Variants in OSBPL10 observed in about 807,000 individuals in gnomAD.
OSBPL10 encodes the protein oxysterol-binding protein-related protein 10.
A neutral mutation model predicts 81.7 loss-of-function variants in OSBPL10; 49 were observed. That is an observed-to-expected ratio of 0.60 (90% CI 0.48 to 0.76). The LOEUF is 0.76. OSBPL10 is among the 30% of genes least tolerant of loss of function. The pLI is 0.00. For synonymous variants in OSBPL10, 419 were observed against 383.6 expected (o/e 1.09, Z -1.08); for missense variants, 923 against 987.8 (o/e 0.93, Z 0.88).
At chr3:31,709,369 C>T (rs1013073346) in intron 6 of OSBPL10, 1 of 152,078 alleles carries the variant, frequency 6.6e-6, no homozygotes, top group Non-Finnish European at 1.5e-5. Flanking sequence ...TAAAACACAC[C>T]CTGGAAGGCA....
At chr3:31,924,791 G>A (rs553386638) in intron 1 of OSBPL10, among the ~76,000 whole-genome samples, 1 of 152,204 alleles carries the variant, frequency 6.6e-6, no homozygotes, top group African/African-American at 2.4e-5. Flanking sequence ...ACAATACATA[G>A]ATGAATAACT....
At chr3:31,885,852 T>C (rs1575599302) in intron 1 of OSBPL10, among the ~76,000 whole-genome samples, 1 of 146,532 alleles carries the variant, frequency 6.8e-6, no homozygotes, top group African/African-American at 2.5e-5. Flanking sequence ...AAAATTAGCC[T>C]GGCATGGTGG....
chr3:31,867,953 A>C (rs1221557646), intron 3 of OSBPL10, among the ~76,000 whole-genome samples: 1 of 152,180 alleles, frequency 6.6e-6, no homozygotes, highest in Non-Finnish European at 1.5e-5. Context: ...CCAAACATAG[A>C]ATAGGTCTAT....
intron 1 of OSBPL10, among the ~76,000 whole-genome samples, chr3:31,947,256 T>C (rs1248490514): frequency 6.6e-6 from 1 of 152,042 alleles, no homozygotes; most frequent in African/African-American, 2.4e-5. Context: ...TCTGCAGAAG[T>C]GTAGCAGCTC....
At chr3:32,007,371 T>G (rs1051757650) in intron 2 of OSBPL10, among the ~76,000 whole-genome samples, 7 of 152,196 alleles carry the variant, frequency 4.6e-5, no homozygotes, top group Non-Finnish European at 1.0e-4. Context: ...TAAGCAAACT[T>G]ATTTTGCTGA....
chr3:32,024,764 G>A lies in OSBPL10; in HGVS notation n.298+21727C>T, dbSNP rs190055583. ...GCTGGGATTACAGGCATGAGCTACC[G>A]TGCCCGGCCGGAATTATTTTCTTAA... On this transcript the variant is annotated intron_variant and non_coding_transcript_variant, in intron 2 of 3. Transcript: ENST00000479173. 2.3e-3 allele frequency among the ~76,000 whole-genome samples: 344 copies of A among 152,100 alleles called. 5 individuals carry two copies. The highest frequency in any genetic ancestry group is 7.5e-3 in the African/African-American group (312 of 41,490).
At chr3:31,750,075 A>G (rs1178394134) in intron 4 of OSBPL10, among the ~76,000 whole-genome samples, 1 of 151,972 alleles carries the variant, frequency 6.6e-6, no homozygotes, top group East Asian at 1.9e-4. Context: ...CCAGCTACTC[A>G]AGAGGCTGAG....
intron 5 of OSBPL10, among the ~76,000 whole-genome samples, chr3:31,737,373 T>C (rs1697211163): frequency 6.6e-6 from 1 of 152,084 alleles, no homozygotes; most frequent in African/African-American, 2.4e-5. Context: ...AGAGGAAGAA[T>C]ACATGTAAAA....
intron 6 of OSBPL10, among the ~76,000 whole-genome samples, chr3:31,720,708 G>T (rs1191594995): frequency 6.6e-6 from 1 of 151,754 alleles, no homozygotes; most frequent in African/African-American, 2.4e-5. Flanking sequence ...AGACCAGCCT[G>T]GGCAACATGG....
intron 2 of OSBPL10, chr3:31,988,823 T>C (rs149033991): frequency 8.8e-4 from 469 of 531,596 alleles, no homozygotes; most frequent in African/African-American, 7.8e-3. Context: ...AAGTAGGTTG[T>C]CACCAGTCAA....
At chr3:31,878,758 C>CT (rs1348123662) in intron 2 of OSBPL10, among the ~76,000 whole-genome samples, 1 of 151,816 alleles carries the variant, frequency 6.6e-6, no homozygotes, top group Non-Finnish European at 1.5e-5. Flanking sequence ...CCTCTCAATA[C>CT]TTAATACATA....
chr3:31,842,318 T>G (rs1208699422), intron 3 of OSBPL10, among the ~76,000 whole-genome samples: 1 of 152,178 alleles, frequency 6.6e-6, no homozygotes, highest in Non-Finnish European at 1.5e-5. Context: ...CCCTGGAGTA[T>G]CCCTAATGTG....
rs1281786023 is a variant in OSBPL10 at position 31,981,036 on chromosome 3, C to A, written c.144G>T (p.Gly48=). The A allele has an allele frequency of 1.4e-6, 2 of 1,473,844 alleles. No homozygotes were observed. Among genetic ancestry groups the A allele is most frequent in the Admixed American group, 2.6e-5 (1 of 39,150 alleles). 91.3% of individuals were successfully genotyped at this position (1,473,844 alleles called of 1,614,324 possible). The change falls in exon 1 of 12, where the codon GGG becomes GGT. Residue 48 remains glycine, a synonymous_variant. Coordinates refer to ENST00000396556, the MANE Select transcript of OSBPL10 (RefSeq NM_017784.5). The surrounding 1 kb of genome is among the most constrained non-coding windows in gnomAD (Gnocchi z 4.5). Reference sequence around the variant, plus strand: ...TGCTGCGGCTTCCCCCGCCGCCGAGCCCGGCCGCCGCCGACCGGCTGGAGA... The same window carrying A: ...TGCTGCGGCTTCCCCCGCCGCCGAGACCGGCCGCCGCCGACCGGCTGGAGA... The part of the protein sequence containing the change: ...RGVSSRSAAA[G]LGGGGSRSSP...
At chr3:31,841,741 T>G (rs1280380633) in intron 3 of OSBPL10, among the ~76,000 whole-genome samples, 3 of 152,242 alleles carry the variant, frequency 2.0e-5, no homozygotes, top group Non-Finnish European at 2.9e-5. Flanking sequence ...CCCCACCAGC[T>G]GAGCTGGGTA....
Position 31,825,426 on chromosome 3 carries a change from A to G in OSBPL10, c.729+4614T>C, listed in dbSNP as rs531926107. Among the ~76,000 whole-genome samples the G allele has an allele frequency of 9.9e-5, 15 of 152,278 alleles. No individual in the cohort carries two copies. In the South Asian group the frequency reaches 3.1e-3, roughly 32 times the overall value. ...AACTTCAAACACCTGGGCTCAAGCA[A>G]TCCTCCCACTTCAGCCTCCTGAGTG... On this transcript the variant is annotated intron_variant, in intron 4 of 11. Transcript: ENST00000396556.
intron 4 of OSBPL10, among the ~76,000 whole-genome samples, chr3:31,810,377 CCA>C (rs1478848702): frequency 6.6e-6 from 1 of 151,830 alleles, no homozygotes; most frequent in Non-Finnish European, 1.5e-5. Context: ...GGAGACCATA[CCA>C]TTACTTGAAA....
chr3:31,776,283 G>A (rs78079809), intron 4 of OSBPL10, among the ~76,000 whole-genome samples: 2,489 of 152,234 alleles, frequency 0.016, 65 homozygotes, highest in African/African-American at 0.056. Context: ...CAACCACTAG[G>A]ATGGCTGTCA....
At chr3:31,787,291 A>G (rs1222654320) in intron 4 of OSBPL10, among the ~76,000 whole-genome samples, 1 of 152,182 alleles carries the variant, frequency 6.6e-6, no homozygotes, top group African/African-American at 2.4e-5. Context: ...TTTTAGTCAT[A>G]TATAATGGAT....
intron 7 of OSBPL10, among the ~76,000 whole-genome samples, chr3:31,684,568 G>T (rs6806657): frequency 0.076 from 11,566 of 152,180 alleles, 1,425 homozygotes; most frequent in African/African-American, 0.26. Context: ...GGGTTTGTTG[G>T]TGCCACTTCA....
Sources: allele counts gnomAD v4.1 joint callset (sites outside exome capture counted in the v4.1 genomes callset), GRCh38; gene constraint gnomAD v4.1.1; non-coding constraint Gnocchi (gnomAD v3.1); transcripts MANE v1.5; gene names NCBI Gene and HGNC (gene_info 2026-07-23, HGNC 2026-07-21).